Variants in KIAA1549L observed in about 807,000 individuals in gnomAD.
KIAA1549L encodes the protein UPF0606 protein KIAA1549L.
A neutral mutation model predicts 160.7 loss-of-function variants in KIAA1549L; 88 were observed. The ratio of observed to expected loss-of-function variants is 0.55; its 90% CI spans 0.46 to 0.65. The LOEUF (loss-of-function observed/expected upper bound fraction) is 0.65. KIAA1549L is among the 30% of genes least tolerant of loss of function. The pLI, the probability that KIAA1549L is intolerant of heterozygous loss-of-function variation, is 0.00. For missense variants in KIAA1549L, 2,258 were observed against 2,437.5 expected (o/e 0.93, Z 1.55); for synonymous variants, 950 against 976.7 (o/e 0.97, Z 0.51).
At chr11:33,402,906 G>C (rs1324170026) in intron 1 of KIAA1549L, among the ~76,000 whole-genome samples, 1 of 152,062 alleles carries the variant, frequency 6.6e-6, no homozygotes, top group African/African-American at 2.4e-5. Context: ...TCTAGTCCTT[G>C]TACCCTGCAC....
rs1411324415 is a variant in KIAA1549L at position 33,645,741 on chromosome 11, G to C, written c.5465G>C (p.Gly1822Ala). The stretch of plus-strand genomic sequence containing the variant: ...ATTGACAGAGTTCCTGAGCCCCGGG[G>C]CTATTCCAGGTCTCGACAGGTGAAA... ...TNIDRVPEPR[G>A]YSRSRQVKGH... The change falls in exon 17 of 21, where the codon GGC becomes GCC. Residue 1822 changes from glycine to alanine, a missense_variant. Physicochemically the swap from Gly to Ala is moderately conservative, Grantham distance 60. Coordinates refer to ENST00000658780, the MANE Select transcript of KIAA1549L (RefSeq NM_012194.3). 2 of 1,613,870 alleles carry C rather than the reference G, an allele frequency of 1.2e-6. No individual in the cohort carries two copies. Among genetic ancestry groups the C allele is most frequent in the African/African-American group, 2.7e-5 (2 of 74,916 alleles).
intron 1 of KIAA1549L, among the ~76,000 whole-genome samples, chr11:33,438,487 G>A (rs868005483): frequency 6.6e-5 from 10 of 152,208 alleles, no homozygotes; most frequent in African/African-American, 1.9e-4. Context: ...AGCTGTGCCC[G>A]TGGTGACAGG....
At chr11:33,624,088 A>G (rs556997814) in intron 16 of KIAA1549L, among the ~76,000 whole-genome samples, 6 of 152,204 alleles carry the variant, frequency 3.9e-5, no homozygotes, top group South Asian at 2.1e-4. Flanking sequence ...GGCAGCTTTT[A>G]AAGTTGGGCT....
intron 13 of KIAA1549L, among the ~76,000 whole-genome samples, chr11:33,605,602 T>C (rs974766374): frequency 6.6e-6 from 1 of 152,244 alleles, no homozygotes; most frequent in Non-Finnish European, 1.5e-5. Flanking sequence ...ACAAATCTTC[T>C]GTGATTATGA....
intron 12 of KIAA1549L, among the ~76,000 whole-genome samples, chr11:33,594,694 A>C (rs1052371340): frequency 1.3e-5 from 2 of 152,242 alleles, no homozygotes; most frequent in Non-Finnish European, 2.9e-5. Flanking sequence ...ATGAGAGAAG[A>C]CTACCCAAAG....
intron 1 of KIAA1549L, among the ~76,000 whole-genome samples, chr11:33,380,149 C>T (rs34828249): frequency 0.4 from 60,925 of 152,096 alleles, 14,314 homozygotes; most frequent in Non-Finnish European, 0.52. Context: ...CATGCTGGGG[C>T]TTCCCCAGGC....
At chr11:33,441,205 A>G (rs1451185471) in intron 1 of KIAA1549L, among the ~76,000 whole-genome samples, 3 of 151,978 alleles carry the variant, frequency 2.0e-5, no homozygotes, top group African/African-American at 7.3e-5. Flanking sequence ...TTTGCTGAGA[A>G]TGATGGTTTC....
At chr11:33,503,484 T>A (rs143210732) in intron 1 of KIAA1549L, among the ~76,000 whole-genome samples, 1 of 152,378 alleles carries the variant, frequency 6.6e-6, no homozygotes, top group East Asian at 1.9e-4. Context: ...AGTGAATGGC[T>A]GGGTCATAGG....
intron 1 of KIAA1549L, among the ~76,000 whole-genome samples, chr11:33,386,827 C>A (rs1413813471): frequency 1.3e-5 from 2 of 152,080 alleles, no homozygotes; most frequent in Non-Finnish European, 2.9e-5. Context: ...ATAATAGGGG[C>A]CAGATGCGGT....
At chr11:33,544,455 A>C in intron 2 of KIAA1549L, 119 bp downstream of exon 2, 1 of 1,092,656 alleles carries the variant, frequency 9.2e-7, no homozygotes, top group South Asian at 1.5e-5. Flanking sequence ...GAAGGAGCTC[A>C]TACCCCCGAT....
chr11:33,618,703 C>T (rs1198188550), intron 16 of KIAA1549L, 41 bp downstream of exon 16: 15 of 1,500,888 alleles, frequency 1.0e-5, no homozygotes, highest in Non-Finnish European at 1.3e-5. Context: ...GCTTTCCTTT[C>T]CCCTGAAGGC....
At chr11:33,497,951 GA>G (rs529825878) in intron 1 of KIAA1549L, among the ~76,000 whole-genome samples, 220 of 152,226 alleles carry the variant, frequency 1.4e-3, no homozygotes, top group Non-Finnish European at 2.4e-3. Flanking sequence ...CATGATCTTG[GA>G]AAACTTACTG....
At chr11:33,600,228 G>A (rs929065143) in intron 13 of KIAA1549L, among the ~76,000 whole-genome samples, 2 of 152,202 alleles carry the variant, frequency 1.3e-5, no homozygotes, top group African/African-American at 4.8e-5. Flanking sequence ...CAGAAATGGG[G>A]TGTGACCTGT....
At chr11:33,432,104 C>G (rs982965874) in intron 1 of KIAA1549L, among the ~76,000 whole-genome samples, 3 of 152,216 alleles carry the variant, frequency 2.0e-5, no homozygotes, top group Admixed American at 1.3e-4. Context: ...GCACGCAGTC[C>G]CGGTTCCCGC....
chr11:33,614,344 A>G (rs777972147), intron 15 of KIAA1549L, among the ~76,000 whole-genome samples: 108 of 150,266 alleles, frequency 7.2e-4, no homozygotes, highest in Non-Finnish European at 4.1e-4. Context: ...TGCCTGCTCT[A>G]TATGGTCTCA....
At chr11:33,454,335 T>C (rs917410058) in intron 1 of KIAA1549L, among the ~76,000 whole-genome samples, 1 of 152,158 alleles carries the variant, frequency 6.6e-6, no homozygotes, top group Admixed American at 6.5e-5. Flanking sequence ...GAAGCATCCA[T>C]AGACACAGGC....
intron 17 of KIAA1549L, among the ~76,000 whole-genome samples, chr11:33,646,301 A>G (rs1851722002): frequency 1.3e-5 from 2 of 152,218 alleles, no homozygotes; most frequent in Non-Finnish European, 2.9e-5. Context: ...TATCCCTTCT[A>G]TAAATGGCTG....
chr11:33,552,024 CTG>C, intron 5 of KIAA1549L, 82 bp from the exon 6 acceptor site: 1 of 1,463,832 alleles, frequency 6.8e-7, no homozygotes, highest in Admixed American at 2.1e-5. Flanking sequence ...TAAAATCGTG[CTG>C]TTTTATATTA....
At chr11:33,467,238 T>C (rs998860535) in intron 1 of KIAA1549L, among the ~76,000 whole-genome samples, 1 of 151,736 alleles carries the variant, frequency 6.6e-6, no homozygotes, top group African/African-American at 2.4e-5. Flanking sequence ...CAGCAGCCAG[T>C]AGAGAAAGAG....
Sources: allele counts gnomAD v4.1 joint callset (sites outside exome capture counted in the v4.1 genomes callset), GRCh38; gene constraint gnomAD v4.1.1; transcripts MANE v1.5; gene names NCBI Gene and HGNC (gene_info 2026-07-23, HGNC 2026-07-21).